Variants in BCAS4 observed in about 807,000 individuals in gnomAD.
The protein encoded by BCAS4 is breast carcinoma amplified sequence 4.
Under a neutral mutation model 15.7 loss-of-function variants are expected in BCAS4, and 9 were observed. That is an observed-to-expected ratio of 0.57 (90% CI 0.34 to 1.00). The LOEUF is 1.00. Among genes scored for constraint, BCAS4 ranks in the 50% least tolerant of loss-of-function variants. BCAS4 has a pLI of 0.02. For missense variants in BCAS4, 225 were observed against 239.1 expected, an observed-to-expected ratio of 0.94 and a Z score of 0.39; for synonymous variants, 101 against 99.5, an observed-to-expected ratio of 1.02 and a Z score of -0.09.
chr20:50,841,824 C>T lies in BCAS4; in HGVS notation c.323C>T (p.Ala108Val). 1 of 1,613,742 alleles carries T rather than the reference C, an allele frequency of 6.2e-7. No homozygotes were observed. The highest frequency in any genetic ancestry group is 2.2e-5 in the East Asian group (1 of 44,876). ...VAFLEADVLQAERDHGAFPQA... is the reference protein window; with the variant it reads ...VAFLEADVLQVERDHGAFPQA... Reference sequence around the variant, plus strand: ...TTCCTGGAAGCAGACGTGCTTCAGGCTGAGCGGGACCATGGGGCCTTCCCT... The same window carrying T: ...TTCCTGGAAGCAGACGTGCTTCAGGTTGAGCGGGACCATGGGGCCTTCCCT... Residue 108 changes from alanine to valine, a missense_variant, in exon 4 of 5, where the codon GCT becomes GTT. Transcript: ENST00000371608.
At chr20:50,795,685 G>A (rs927658083) in intron 1 of BCAS4, among the ~76,000 whole-genome samples, 3 of 152,236 alleles carry the variant, frequency 2.0e-5, no homozygotes, top group Non-Finnish European at 4.4e-5. Context: ...ATCTGTCGAC[G>A]CTGTTGTGAA....
intron 2 of BCAS4, among the ~76,000 whole-genome samples, chr20:50,827,395 C>T (rs751434156): frequency 7.9e-5 from 12 of 152,218 alleles, no homozygotes; most frequent in Admixed American, 3.3e-4. Flanking sequence ...CATGGCATCA[C>T]GGATGTGAGC....
chr20:50,857,280 C>T (rs112613724), intron 4 of BCAS4, among the ~76,000 whole-genome samples: 14 of 152,186 alleles, frequency 9.2e-5, no homozygotes, highest in Non-Finnish European at 1.8e-4. Context: ...TACAGGCATG[C>T]GCCACCACAC....
At chr20:50,875,910 T>C in intron 4 of BCAS4, 4 of 455,784 alleles carry the variant, frequency 8.8e-6, no homozygotes, top group Non-Finnish European at 1.8e-5. Flanking sequence ...TCACCTTGCT[T>C]TCTTAGTCCT....
chr20:50,835,573 C>T (rs1229831259), intron 3 of BCAS4, among the ~76,000 whole-genome samples: 1 of 152,004 alleles, frequency 6.6e-6, no homozygotes, highest in Non-Finnish European at 1.5e-5. Context: ...AGATTGCAAA[C>T]TCAGATGCCA....
intron 3 of BCAS4, among the ~76,000 whole-genome samples, chr20:50,831,096 T>C (rs1472030566): frequency 6.6e-6 from 1 of 151,900 alleles, no homozygotes; most frequent in Non-Finnish European, 1.5e-5. Context: ...AGAGAGAACA[T>C]TTCCAGCCCC....
At chr20:50,852,873 A>G (rs1200144882) in intron 4 of BCAS4, among the ~76,000 whole-genome samples, 1 of 152,060 alleles carries the variant, frequency 6.6e-6, no homozygotes, top group African/African-American at 2.4e-5. Context: ...GTGGGTGGGT[A>G]CCCACCTCTC....
At chr20:50,823,382 A>C (rs1403559246) in intron 2 of BCAS4, among the ~76,000 whole-genome samples, 1 of 152,180 alleles carries the variant, frequency 6.6e-6, no homozygotes, top group Non-Finnish European at 1.5e-5. Context: ...GATACTCCAA[A>C]CTGGAAACAA....
chr20:50,840,732 A>G (rs16995521), intron 3 of BCAS4: 82,747 of 1,611,566 alleles, frequency 0.051, 2,643 homozygotes, highest in African/African-American at 0.15. Flanking sequence ...TCTCAGCCAT[A>G]TCGGATTTGT....
At chr20:50,837,186 G>A (rs2088419768) in intron 3 of BCAS4, among the ~76,000 whole-genome samples, 1 of 152,190 alleles carries the variant, frequency 6.6e-6, no homozygotes, top group Admixed American at 6.5e-5. Context: ...GTTCACACAG[G>A]TGGGCAGTGG....
At chr20:50,848,894 C>G (rs1400086090) in intron 4 of BCAS4, among the ~76,000 whole-genome samples, 1 of 152,284 alleles carries the variant, frequency 6.6e-6, no homozygotes, top group African/African-American at 2.4e-5. Context: ...GTCTTCCAGA[C>G]AAATGTCCCT....
chr20:50,849,416 C>T (rs188814361), intron 4 of BCAS4, among the ~76,000 whole-genome samples: 77 of 152,254 alleles, frequency 5.1e-4, no homozygotes, highest in Middle Eastern at 3.4e-3. Flanking sequence ...CTGGGGAGAC[C>T]GTGCTTGCTG....
At chr20:50,799,674 C>A (rs572777181) in intron 1 of BCAS4, among the ~76,000 whole-genome samples, 1 of 152,192 alleles carries the variant, frequency 6.6e-6, no homozygotes, top group East Asian at 1.9e-4. Context: ...CCTTCAGCCT[C>A]GGTATGTGCC....
At chr20:50,881,657 CTA>C (rs1011451079), downstream of BCAS4, 8 of 151,710 alleles carry the variant, frequency 5.3e-5, no homozygotes, top group African/African-American at 1.9e-4. Flanking sequence ...TTTGATGACA[CTA>C]TTGAATTTTT....
At chr20:50,807,203 A>T (rs371300340) in intron 1 of BCAS4, among the ~76,000 whole-genome samples, 2 of 141,850 alleles carry the variant, frequency 1.4e-5, no homozygotes, top group Non-Finnish European at 3.1e-5. Flanking sequence ...GTTATTTTCT[A>T]TTTTTTTTGA....
At chr20:50,802,114 C>T (rs894100562) in intron 1 of BCAS4, among the ~76,000 whole-genome samples, 30 of 152,040 alleles carry the variant, frequency 2.0e-4, no homozygotes, top group Non-Finnish European at 2.9e-5. Flanking sequence ...GTAAGAGGAT[C>T]GCTTGAGTGC....
At chr20:50,826,595 G>A (rs2088280172) in intron 2 of BCAS4, among the ~76,000 whole-genome samples, 2 of 152,152 alleles carry the variant, frequency 1.3e-5, no homozygotes, top group Admixed American at 1.3e-4. Flanking sequence ...TTTTAATAGA[G>A]ATGGTGCCTC....
intron 3 of BCAS4, chr20:50,840,904 A>G: frequency 1.6e-6 from 1 of 640,672 alleles, no homozygotes; most frequent in Non-Finnish European, 2.8e-6. Flanking sequence ...ATCTCAGCTC[A>G]CTGCAACCTC....
intron 4 of BCAS4, among the ~76,000 whole-genome samples, chr20:50,871,259 T>TAGCG (rs1213429736): frequency 6.6e-6 from 1 of 152,148 alleles, no homozygotes; most frequent in African/African-American, 2.4e-5. Flanking sequence ...CCCTGAGACA[T>TAGCG]AGCGACTCCT....
Sources: allele counts gnomAD v4.1 joint callset (sites outside exome capture counted in the v4.1 genomes callset), GRCh38; gene constraint gnomAD v4.1.1; transcripts MANE v1.5; gene names NCBI Gene and HGNC (gene_info 2026-07-23, HGNC 2026-07-21).